Variants in TUBGCP6 observed in about 807,000 individuals in gnomAD.
TUBGCP6 encodes gamma-tubulin complex component 6.
Under a neutral mutation model 175.8 loss-of-function variants are expected in TUBGCP6, and 161 were observed. The ratio of observed to expected loss-of-function variants is 0.92; its 90% CI spans 0.81 to 1.04. The LOEUF is 1.04. Among genes scored for constraint, TUBGCP6 ranks in the 50% least tolerant of loss-of-function variants. TUBGCP6 has a pLI of 0.00. For missense variants in TUBGCP6, 2,572 were observed against 2,433.0 expected, an observed-to-expected ratio of 1.06 and a Z score of -1.20; for synonymous variants, 1,173 against 1,030.5, an observed-to-expected ratio of 1.14 and a Z score of -2.65.
intron 22 of TUBGCP6, 34 bp downstream of exon 22, chr22:50,218,454 G>T (rs551363130): frequency 8.7e-6 from 14 of 1,612,900 alleles, no homozygotes; most frequent in Non-Finnish European, 1.2e-5. Flanking sequence ...CTCCAGCCAG[G>T]GGTGCGGGGC....
chr22:50,218,335 C>G lies in TUBGCP6; in HGVS notation c.5022G>C (p.Gln1674His). 6.2e-7 allele frequency: 1 copy of G among 1,613,122 alleles called. No individual in the cohort carries two copies. The change falls in exon 23 of 25, where the codon CAG (glutamine) becomes CAC (histidine). Residue 1674 changes from glutamine to histidine, a missense_variant. Transcript: ENST00000248846. Reference sequence around the variant, plus strand: ...AGCCCTGGATGACCTTCACGAAATGCTGCATCTCGTGCTTGAACAGCTGCA... The same window carrying G: ...AGCCCTGGATGACCTTCACGAAATGGTGCATCTCGTGCTTGAACAGCTGCA... Reference protein sequence around the residue: ...RQLQLFKHEMQHFVKVIQGYI... With the variant: ...RQLQLFKHEMHHFVKVIQGYI...
At chr22:50,223,922 T>G in intron 13 of TUBGCP6, 1 of 548,962 alleles carries the variant, frequency 1.8e-6, no homozygotes, top group Non-Finnish European at 3.3e-6. Flanking sequence ...TGGACCCTAA[T>G]CCATACAAAC....
At chr22:50,238,997 G>A (rs77054001) in intron 2 of TUBGCP6, among the ~76,000 whole-genome samples, 2 of 152,244 alleles carry the variant, frequency 1.3e-5, no homozygotes, top group Admixed American at 6.5e-5. Context: ...CCACCCGGGG[G>A]CACATGCTCC....
Position 50,219,096 on chromosome 22 carries a change from T to C in TUBGCP6, c.4598A>G (p.Gln1533Arg). Residue 1533 changes from glutamine (Q) to arginine (R), a missense_variant, in exon 20 of 25, where the codon CAG (glutamine) becomes CGG (arginine). Transcript: ENST00000248846. ...CTCAAAGAGCAGGTCGCTGAGGGAC[T>C]GGGCGAACTCGCCGTCCTCCATCAG... ...FLLMEDGEFAQSLSDLLFEKL... is the reference protein window; with the variant it reads ...FLLMEDGEFARSLSDLLFEKL... The C allele has an allele frequency of 6.2e-7, 1 of 1,612,862 alleles. No homozygotes were observed. The highest frequency in any genetic ancestry group is 1.3e-5 in the African/African-American group (1 of 75,058).
intron 7 of TUBGCP6, 23 bp from the exon 8 acceptor site, chr22:50,226,401 G>A (rs1183495105): frequency 1.9e-6 from 3 of 1,579,750 alleles, no homozygotes; most frequent in Middle Eastern, 1.7e-4. Context: ...AAAAGCAGGG[G>A]TAGATGTGGT....
intron 4 of TUBGCP6, 106 bp downstream of exon 4, chr22:50,229,298 G>T: frequency 1.6e-6 from 2 of 1,279,698 alleles, no homozygotes; most frequent in Non-Finnish European, 1.1e-6. Flanking sequence ...GGAAAGAAAA[G>T]GTTTAGACTC....
rs945445771 is a variant in TUBGCP6 at position 50,221,863 on chromosome 22, C to T, written c.2496G>A (p.Pro832=). The change falls in exon 16 of 25, where the codon CCG becomes CCA. Residue 832 remains proline (P), a synonymous_variant. Coordinates refer to ENST00000248846, the MANE Select transcript of TUBGCP6 (RefSeq NM_020461.4). ...GGCCTCCCTCTGGGTGCTCAGGGCC[C>T]GGAGACGTGACCTGAAACACAGGTG... ...LLSVHPQVTS[P]GPEHPEGGQG... 9.2e-6 allele frequency: 14 copies of T among 1,513,546 alleles called. No homozygotes were observed. The highest frequency in any genetic ancestry group is 2.6e-5 in the South Asian group (2 of 76,446). The allele number at this position is 1,513,546 out of a possible 1,614,324, so 93.8% of individuals were successfully genotyped here. A position where few individuals can be genotyped will look rare whatever the true frequency, so the allele number is the denominator to read the frequency against.
rs192576518 is a variant in TUBGCP6, at chr22:50,220,186, G to A, written c.4108+65C>T. On this transcript the variant is annotated intron_variant, in intron 16 of 24. Transcript: ENST00000248846. ...TCACATGCCACCAACCCCACTGCCCGCCTACCTCCCAGGCTCTGTGCGTCC... is the reference window on the plus strand; with the variant it reads ...TCACATGCCACCAACCCCACTGCCCACCTACCTCCCAGGCTCTGTGCGTCC... The A allele has an allele frequency of 8.0e-5, 124 of 1,547,594 alleles. 1 individual carries two copies. The highest frequency in any genetic ancestry group is 5.2e-4 in the Middle Eastern group (3 of 5,742).
At chr22:50,230,887 C>T (rs917942554) in intron 3 of TUBGCP6, among the ~76,000 whole-genome samples, 3 of 151,052 alleles carry the variant, frequency 2.0e-5, no homozygotes, top group Non-Finnish European at 4.4e-5. Context: ...GGTTTGAGAC[C>T]AGCCTCACCA....
At chr22:50,230,605 CA>C (rs57598808) in intron 3 of TUBGCP6, among the ~76,000 whole-genome samples, 1,240 of 117,494 alleles carry the variant, frequency 0.011, 15 homozygotes, top group African/African-American at 0.031. Flanking sequence ...GACTCCGTCT[CA>C]AAAAAAAAAA....
intron 2 of TUBGCP6, among the ~76,000 whole-genome samples, chr22:50,234,090 C>G (rs1248114519): frequency 6.7e-6 from 1 of 149,212 alleles, no homozygotes; most frequent in Non-Finnish European, 1.5e-5. Flanking sequence ...CATCCATACC[C>G]CATCCATGGC....
In TUBGCP6 at chr22:50,224,505, A is replaced by G. The variant is rs1349024024; in HGVS notation, c.2065+6T>C. ...ACTGCAGAAGGGAGGACTTGGGGCC[A>G]CTCACCACTCAGTGCACTCAGGACC... On this transcript the variant is annotated splice_donor_region_variant and intron_variant, in intron 11 of 24. Transcript: ENST00000248846. 2.5e-6 allele frequency: 4 copies of G among 1,614,012 alleles called. No homozygotes were observed. The highest frequency in any genetic ancestry group is 3.4e-6 in the Non-Finnish European group (4 of 1,180,028).
intron 2 of TUBGCP6, 139 bp downstream of exon 2, chr22:50,240,065 T>C: frequency 8.3e-7 from 1 of 1,206,664 alleles, no homozygotes; most frequent in South Asian, 1.3e-5. Context: ...CTCAGTCAAT[T>C]TTGGACACTA....
chr22:50,220,552 A>T lies in TUBGCP6; in HGVS notation c.3807T>A (p.His1269Gln), dbSNP rs1278125798. The T allele has an allele frequency of 1.9e-6, 3 of 1,613,424 alleles. No homozygotes were observed. The African/African-American group carries it at 4.0e-5, about 22-fold the overall frequency. The change falls in exon 16 of 25, where the codon CAT becomes CAA. Residue 1269 changes from histidine to glutamine, a missense_variant. Coordinates refer to ENST00000248846, the MANE Select transcript of TUBGCP6 (RefSeq NM_020461.4). ...CCATGTGGGGCGGAGGGATGGGTAC[A>T]TGGGTGTTCCACCGTGGCCGGGTGG... ...VVSTRPRWNTHVPIPPPHMVL... is the reference protein window; with the variant it reads ...VVSTRPRWNTQVPIPPPHMVL...
intron 3 of TUBGCP6, among the ~76,000 whole-genome samples, chr22:50,232,500 T>G (rs911345026): frequency 7.9e-5 from 12 of 151,784 alleles, no homozygotes; most frequent in African/African-American, 2.9e-4. Flanking sequence ...TCGAGGCTAC[T>G]GTGAGCTGTG....
rs770214774 is a variant in TUBGCP6 at position 50,233,409 on chromosome 22, G to A, written c.1023C>T (p.Ala341=). ...LQLLAGGVLQ[A]PQPVLVKECE... is the part of the protein sequence containing the mutation. ...ACTCCTTCACCAGCACGGGCTGCGG[G>A]GCCTGTAGGACGCCCCCAGCAAGCA... The change falls in exon 3 of 25, where the codon GCC becomes GCT. Residue 341 remains alanine, a synonymous_variant. Coordinates refer to ENST00000248846, the MANE Select transcript of TUBGCP6 (RefSeq NM_020461.4). The A allele has an allele frequency of 6.2e-6, 10 of 1,613,810 alleles. No individual in the cohort carries two copies. The highest frequency in any genetic ancestry group is 8.5e-6 in the Non-Finnish European group (10 of 1,179,924).
In TUBGCP6 at chr22:50,244,953, G is replaced by A. The variant is rs2064901961; in HGVS notation, c.-494C>T. On this transcript the variant is annotated 5_prime_UTR_variant, in exon 1 of 25. Transcript: ENST00000248846. ...GGCCTGCACGTCCACCCGTTCTCCA[G>A]GCCTCACCCGTGGAAAGTGCCCACG... 1.8e-5 allele frequency: 4 copies of A among 223,078 alleles called. No homozygotes were observed. In the South Asian group the frequency reaches 2.4e-4, roughly 13 times the overall value. The allele number at this position is 223,078 out of a possible 1,614,324, so 13.8% of individuals were successfully genotyped here.
Position 50,227,025 on chromosome 22 carries a change from C to T in TUBGCP6, c.1465G>A (p.Gly489Arg), listed in dbSNP as rs2064622334. Residue 489 changes from glycine to arginine, a missense_variant, in exon 6 of 25, where the codon GGA (glycine) becomes AGA (arginine). By Grantham distance (125) the Gly-to-Arg change is moderately radical. Coordinates refer to ENST00000248846, the MANE Select transcript of TUBGCP6 (RefSeq NM_020461.4). ...VGAVLPGTCG[G>R]GPRAAFPTGV... ...GTGGGAAACGCGGCCCTGGGGCCTC[C>T]TCCACAGGTGCCCGGGAGCACAGCG... 6.2e-7 allele frequency: 1 copy of T among 1,612,396 alleles called. No homozygotes were observed.
Position 50,244,981 on chromosome 22 carries a change from T to A in TUBGCP6, c.-522A>T. On this transcript the variant is annotated 5_prime_UTR_variant, in exon 1 of 25. Coordinates refer to ENST00000248846, the MANE Select transcript of TUBGCP6 (RefSeq NM_020461.4). ...CTCACCCGTGGAAAGTGCCCACGGCTGCCGCTCTCGCCGCCTCCGTCGCGT... is the reference window on the plus strand; with the variant it reads ...CTCACCCGTGGAAAGTGCCCACGGCAGCCGCTCTCGCCGCCTCCGTCGCGT... 4.4e-6 allele frequency: 1 copy of A among 227,260 alleles called. No individual in the cohort carries two copies. Among genetic ancestry groups the A allele is most frequent in the Non-Finnish European group, 8.8e-6 (1 of 114,176 alleles). The allele number at this position is 227,260 out of a possible 1,614,324, so 14.1% of individuals were successfully genotyped here. A position where few individuals can be genotyped will look rare whatever the true frequency, so the allele number is the denominator to read the frequency against.
Sources: allele counts gnomAD v4.1 joint callset (sites outside exome capture counted in the v4.1 genomes callset), GRCh38; gene constraint gnomAD v4.1.1; transcripts MANE v1.5; gene names NCBI Gene and HGNC (gene_info 2026-07-23, HGNC 2026-07-21).